ADK: variants seen among roughly 807,000 people sequenced by gnomAD.
The protein encoded by ADK is N6,N6-dimethyladenosine kinase.
Under a neutral mutation model 44.7 loss-of-function variants are expected in ADK, and 24 were observed. The ratio of observed to expected loss-of-function variants is 0.54; its 90% CI spans 0.39 to 0.76. The LOEUF (loss-of-function observed/expected upper bound fraction) is 0.76. ADK is among the 30% of genes least tolerant of loss of function. The pLI, the probability that ADK is intolerant of heterozygous loss-of-function variation, is 0.00. For synonymous variants in ADK, 128 were observed against 142.6 expected (o/e 0.90, Z 0.73); for missense variants, 321 against 425.1 (o/e 0.76, Z 2.15).
rs1423397241 is a variant in ADK, at chr10:74,649,650, G to A, written c.878-20533G>A. On this transcript the variant is annotated intron_variant, in intron 9 of 10. Transcript: ENST00000539909. ...AAAAAAAAAAAAACAAATTCTGTCA[G>A]TCAATCAACTAATATTCAAGTATTT... Among the ~76,000 whole-genome samples, 3 of 151,758 alleles carry A rather than the reference G, an allele frequency of 2.0e-5. No homozygotes were observed. The East Asian group carries it at 5.8e-4, about 29-fold the overall frequency.
At chr10:74,472,223 G>T (rs370961573) in intron 6 of ADK, among the ~76,000 whole-genome samples, 1 of 152,094 alleles carries the variant, frequency 6.6e-6, no homozygotes, top group African/African-American at 2.4e-5. Context: ...TGGCAAGGGG[G>T]GCATCCTTGC....
chr10:74,512,637 T>C (rs1848385859), intron 6 of ADK, among the ~76,000 whole-genome samples: 1 of 151,816 alleles, frequency 6.6e-6, no homozygotes, highest in African/African-American at 2.4e-5. Context: ...CCTTTTTTGT[T>C]TCCTATTTTA....
chr10:74,426,971 G>T (rs1012384290), intron 6 of ADK, among the ~76,000 whole-genome samples: 1 of 151,980 alleles, frequency 6.6e-6, no homozygotes, highest in Non-Finnish European at 1.5e-5. Context: ...GCCCCTGTGT[G>T]TTATGTTCCC....
chr10:74,492,860 T>C (rs973302060), intron 6 of ADK, among the ~76,000 whole-genome samples: 1 of 152,178 alleles, frequency 6.6e-6, no homozygotes, highest in African/African-American at 2.4e-5. Flanking sequence ...CATAACATTA[T>C]ATTTTCAAAT....
intron 2 of ADK, among the ~76,000 whole-genome samples, chr10:74,218,864 G>A (rs1168455035): frequency 2.0e-5 from 3 of 152,104 alleles, no homozygotes; most frequent in Non-Finnish European, 4.4e-5. Flanking sequence ...AGCTCCTGAA[G>A]GAAGCACTAA....
intron 3 of ADK, among the ~76,000 whole-genome samples, chr10:74,300,882 C>G (rs1840008534): frequency 6.6e-6 from 1 of 152,168 alleles, no homozygotes; most frequent in Admixed American, 6.5e-5. Context: ...TTTGTGGGCT[C>G]AAACTATAGT....
intron 1 of ADK, chr10:74,177,033 A>G: frequency 1.7e-6 from 2 of 1,181,874 alleles, no homozygotes; most frequent in Non-Finnish European, 2.4e-6. Flanking sequence ...CGCACTTTTC[A>G]TTTGGGCATT....
intron 7 of ADK, among the ~76,000 whole-genome samples, chr10:74,574,133 C>G (rs563592893): frequency 3.3e-5 from 5 of 152,116 alleles, no homozygotes; most frequent in Non-Finnish European, 5.9e-5. Context: ...GGAGCTGTTC[C>G]CATTTGGCCA....
chr10:74,556,818 C>A (rs1286049368), intron 7 of ADK, among the ~76,000 whole-genome samples: 2 of 152,144 alleles, frequency 1.3e-5, no homozygotes, highest in African/African-American at 4.8e-5. Flanking sequence ...AGCAGTTTAT[C>A]TATAGAAAAG....
chr10:74,295,837 T>C (rs1369433346), intron 3 of ADK, among the ~76,000 whole-genome samples: 3 of 152,162 alleles, frequency 2.0e-5, no homozygotes, highest in South Asian at 2.1e-4. Context: ...TTTTTCTAAG[T>C]ATTTGTACAT....
At chr10:74,544,974 C>T (rs1240080774) in intron 7 of ADK, among the ~76,000 whole-genome samples, 1 of 150,838 alleles carries the variant, frequency 6.6e-6, no homozygotes, top group Non-Finnish European at 1.5e-5. Flanking sequence ...TCTTGAATAT[C>T]TCTCACCCAA....
intron 6 of ADK, among the ~76,000 whole-genome samples, chr10:74,504,570 A>G (rs1352278342): frequency 6.6e-6 from 1 of 152,170 alleles, no homozygotes; most frequent in Non-Finnish European, 1.5e-5. Flanking sequence ...TAAGCTAGAG[A>G]AAAGAAAATC....
chr10:74,447,871 T>TG (rs891286766), intron 6 of ADK, among the ~76,000 whole-genome samples: 1 of 152,070 alleles, frequency 6.6e-6, no homozygotes. Flanking sequence ...AAGAAAAAGT[T>TG]GGAGCTTAAG....
intron 9 of ADK, among the ~76,000 whole-genome samples, chr10:74,667,671 T>G (rs1855012160): frequency 6.6e-6 from 1 of 151,980 alleles, no homozygotes; most frequent in Admixed American, 6.6e-5. Context: ...TAGCTGGGAT[T>G]TCAGGCATGT....
Position 74,200,830 on chromosome 10 carries a change from C to A in ADK, c.132C>A (p.Phe44Leu). The A allele has an allele frequency of 1.3e-6, 2 of 1,599,168 alleles. No homozygotes were observed. The highest frequency in any genetic ancestry group is 1.7e-6 in the Non-Finnish European group (2 of 1,167,074). ...LDISAVVDKD[F>L]LDKYSLKPND... ...TCTCTGCTGTAGTGGACAAAGATTT[C>A]CTTGATAAGTAAGTATTAAACTCTT... Residue 44 changes from phenylalanine (F) to leucine (L), a missense_variant, in exon 2 of 11, where the codon TTC becomes TTA. By Grantham distance (22) the Phe-to-Leu change is conservative (BLOSUM62 0). Coordinates refer to ENST00000539909, the MANE Select transcript of ADK (RefSeq NM_006721.4).
At chr10:74,573,402 A>T (rs573805790) in intron 7 of ADK, among the ~76,000 whole-genome samples, 2 of 152,314 alleles carry the variant, frequency 1.3e-5, no homozygotes, top group East Asian at 3.9e-4. Context: ...GTGAGGTGTC[A>T]GTCTGCCCCT....
chr10:74,634,643 A>AG (rs2134075157), intron 9 of ADK, among the ~76,000 whole-genome samples: 2 of 152,176 alleles, frequency 1.3e-5, no homozygotes, highest in East Asian at 1.9e-4. Context: ...GAAAATGAAG[A>AG]GAAAAAAAAC....
chr10:74,288,525 C>G (rs1394542216), intron 3 of ADK, among the ~76,000 whole-genome samples: 1 of 152,024 alleles, frequency 6.6e-6, no homozygotes, highest in Non-Finnish European at 1.5e-5. Context: ...TGGCGGGCAC[C>G]TATAATCCCA....
chr10:74,561,419 G>A (rs1850452891), intron 7 of ADK, among the ~76,000 whole-genome samples: 1 of 152,138 alleles, frequency 6.6e-6, no homozygotes, highest in South Asian at 2.1e-4. Context: ...AGGAGTCTGA[G>A]GTGAGGGAAG....
Sources: allele counts gnomAD v4.1 joint callset (sites outside exome capture counted in the v4.1 genomes callset), GRCh38; gene constraint gnomAD v4.1.1; transcripts MANE v1.5; gene names NCBI Gene and HGNC (gene_info 2026-07-23, HGNC 2026-07-21).